Variants in CSMD1 observed in about 807,000 individuals in gnomAD.
CSMD1 encodes the protein CUB and Sushi multiple domains 1.
Under a neutral mutation model 417.5 loss-of-function variants are expected in CSMD1, and 213 were observed. The ratio of observed to expected loss-of-function variants is 0.51; its 90% CI spans 0.46 to 0.57. CSMD1 has a LOEUF of 0.57. Among genes scored for constraint, CSMD1 ranks in the 20% least tolerant of loss-of-function variants. CSMD1 has a pLI of 0.00. For missense variants in CSMD1, 6,923 were observed against 4,529.7 expected (o/e 1.53, Z -15.17); for synonymous variants, 2,862 against 1,736.8 (o/e 1.65, Z -16.11).
intron 1 of CSMD1, among the ~76,000 whole-genome samples, chr8:4,839,209 C>T (rs768773521): frequency 2.0e-5 from 3 of 152,168 alleles, no homozygotes; most frequent in Admixed American, 1.3e-4. Flanking sequence ...ATGAGTCACT[C>T]TGAATATGCA....
chr8:4,097,307 G>C (rs189472018), intron 3 of CSMD1, among the ~76,000 whole-genome samples: 2 of 152,272 alleles, frequency 1.3e-5, no homozygotes, highest in African/African-American at 4.8e-5. Flanking sequence ...GGGTGATACT[G>C]AAACACTTAT....
chr8:4,982,732 T>G (rs1810963935), intron 1 of CSMD1, among the ~76,000 whole-genome samples: 1 of 152,198 alleles, frequency 6.6e-6, no homozygotes, highest in Non-Finnish European at 1.5e-5. Context: ...AAAAACACAT[T>G]TGCTAGGAGA....
At chr8:3,101,319 T>C (rs1198340642) in intron 46 of CSMD1, among the ~76,000 whole-genome samples, 1 of 152,246 alleles carries the variant, frequency 6.6e-6, no homozygotes, top group Admixed American at 6.5e-5. Context: ...CTTTTTGAAA[T>C]GCCTCTCTTT....
intron 30 of CSMD1, among the ~76,000 whole-genome samples, chr8:3,210,777 C>T (rs1248831591): frequency 6.6e-6 from 1 of 150,694 alleles, no homozygotes; most frequent in Non-Finnish European, 1.5e-5. Flanking sequence ...AATACTTTAC[C>T]CATGCTTTTT....
chr8:4,410,071 C>G (rs1211775857), intron 3 of CSMD1, among the ~76,000 whole-genome samples: 1 of 152,138 alleles, frequency 6.6e-6, no homozygotes, highest in African/African-American at 2.4e-5. Flanking sequence ...GCCGTGGCCT[C>G]CCAAAGTGCT....
intron 43 of CSMD1, 107 bp from the exon 44 acceptor site, chr8:3,108,855 T>C: frequency 2.7e-6 from 3 of 1,103,212 alleles, no homozygotes; most frequent in African/African-American, 1.6e-5. Flanking sequence ...CAATAAAACA[T>C]ATGCATTCTC....
chr8:4,839,147 A>T (rs1379019148), intron 1 of CSMD1, among the ~76,000 whole-genome samples: 1 of 152,156 alleles, frequency 6.6e-6, no homozygotes, highest in African/African-American at 2.4e-5. Context: ...GTGTGTCGTA[A>T]CTAAAACCAT....
chr8:4,815,346 T>A (rs373025522), intron 1 of CSMD1, among the ~76,000 whole-genome samples: 4 of 152,116 alleles, frequency 2.6e-5, no homozygotes, highest in Non-Finnish European at 4.4e-5. Context: ...ACAGTCCCAC[T>A]GTGGACAGAG....
chr8:3,083,062 C>G (rs1029451893), intron 49 of CSMD1, among the ~76,000 whole-genome samples: 1 of 152,108 alleles, frequency 6.6e-6, no homozygotes, highest in Admixed American at 6.5e-5. Context: ...AAAGAGCTCA[C>G]CTAGTCTTCT....
chr8:3,314,605 CATTTT>C (rs1237679000), intron 23 of CSMD1, among the ~76,000 whole-genome samples: 15 of 152,278 alleles, frequency 9.9e-5, no homozygotes, highest in Admixed American at 8.5e-4. Context: ...CTAGTGATTT[CATTTT>C]AAGTCAAAGC....
chr8:3,093,375 T>C (rs146554791), intron 47 of CSMD1, among the ~76,000 whole-genome samples: 3 of 152,188 alleles, frequency 2.0e-5, no homozygotes, highest in African/African-American at 7.2e-5. Context: ...AGAACATAAA[T>C]TTCTGTTGAG....
intron 23 of CSMD1, among the ~76,000 whole-genome samples, chr8:3,318,924 G>A (rs945669391): frequency 6.6e-6 from 1 of 152,110 alleles, no homozygotes; most frequent in Non-Finnish European, 1.5e-5. Context: ...GCTGCTTTCA[G>A]CTTTACAAAT....
chr8:3,836,552 A>T (rs1158251617), intron 5 of CSMD1, among the ~76,000 whole-genome samples: 1 of 152,162 alleles, frequency 6.6e-6, no homozygotes, highest in Non-Finnish European at 1.5e-5. Flanking sequence ...GGAGTGAGTC[A>T]GAAAAGTGGT....
intron 1 of CSMD1, among the ~76,000 whole-genome samples, chr8:4,852,258 G>T (rs139408918): frequency 3.0e-4 from 46 of 152,280 alleles, no homozygotes; most frequent in African/African-American, 1.1e-3. Flanking sequence ...CCTAGTTTTG[G>T]AGGTGGGGCC....
intron 25 of CSMD1, among the ~76,000 whole-genome samples, chr8:3,289,262 T>C (rs1803377375): frequency 3.4e-5 from 5 of 147,294 alleles, no homozygotes; most frequent in Non-Finnish European, 7.4e-5. Context: ...GTCTTTGCTA[T>C]TGTGAATAGT....
intron 23 of CSMD1, among the ~76,000 whole-genome samples, chr8:3,317,156 A>G (rs1584988915): frequency 6.6e-6 from 1 of 152,210 alleles, no homozygotes; most frequent in African/African-American, 2.4e-5. Context: ...GAGGAGAATC[A>G]TCAGCATTGT....
At chr8:3,587,439 T>C (rs2117006513) in intron 8 of CSMD1, among the ~76,000 whole-genome samples, 1 of 152,254 alleles carries the variant, frequency 6.6e-6, no homozygotes, top group Non-Finnish European at 1.5e-5. Flanking sequence ...AATAAGGAGA[T>C]GTGAAGGAAA....
chr8:4,873,652 C>T (rs1358699211), intron 1 of CSMD1, among the ~76,000 whole-genome samples: 1 of 152,022 alleles, frequency 6.6e-6, no homozygotes, highest in Non-Finnish European at 1.5e-5. Flanking sequence ...TTCAACTTTC[C>T]ATCTATCCAT....
intron 1 of CSMD1, among the ~76,000 whole-genome samples, chr8:4,968,875 G>C (rs907475464): frequency 6.6e-6 from 1 of 152,142 alleles, no homozygotes; most frequent in Non-Finnish European, 1.5e-5. Context: ...TACACACAAA[G>C]CATCAGTCTG....
Sources: gnomAD v4.1 joint callset for allele counts (sites outside exome capture counted in the v4.1 genomes callset) on GRCh38, gnomAD v4.1.1 for gene constraint, MANE v1.5 for transcripts, NCBI Gene and HGNC (gene_info 2026-07-23, HGNC 2026-07-21) for gene names.